The following OGFOD1 variants were observed in gnomAD, a reference collection of about 807,000 sequenced individuals.
OGFOD1 encodes the protein 2-oxoglutarate and iron dependent oxygenase domain containing 1.
A neutral mutation model predicts 67.7 loss-of-function variants in OGFOD1; 54 were observed. The ratio of observed to expected loss-of-function variants is 0.80; its 90% CI spans 0.64 to 1.00. OGFOD1 has a LOEUF of 1.00. OGFOD1 is among the 50% of genes least tolerant of loss of function. OGFOD1 has a pLI of 0.00. For synonymous variants in OGFOD1, 221 were observed against 227.0 expected (o/e 0.97, Z 0.24); for missense variants, 606 against 646.7 (o/e 0.94, Z 0.68).
chr16:56,453,122 T>A (rs1962397904), intron 1 of OGFOD1, 141 bp from the exon 2 acceptor site: 8 of 789,716 alleles, frequency 1.0e-5, no homozygotes, highest in East Asian at 8.2e-5. Context: ...GAGCTTATCA[T>A]TTTTTCCCCA....
chr16:56,458,656 A>G, intron 3 of OGFOD1, 62 bp downstream of exon 3: 1 of 1,315,806 alleles, frequency 7.6e-7, no homozygotes, highest in South Asian at 1.2e-5. Context: ...TAAGTGCTTT[A>G]AATGTTACAA....
At chr16:56,452,054 A>C in intron 1 of OGFOD1, 2 of 346,312 alleles carry the variant, frequency 5.8e-6, no homozygotes, top group South Asian at 5.2e-5. Flanking sequence ...CTGAGTTAGA[A>C]TCCTCTCCCC....
chr16:56,474,900 A>C lies in OGFOD1; in HGVS notation c.1358A>C (p.His453Pro). ...GGTCACTACACTTTAATTCATGACC[A>C]TAGCAAGGCTGAATTTGCCCTAGAC... is the stretch of plus-strand genomic sequence containing the variant. ...KTGHYTLIHD[H>P]SKAEFALDLI... Residue 453 changes from histidine (H) to proline (P), a missense_variant, in exon 11 of 13, where the codon CAT becomes CCT. Physicochemically the swap from His to Pro is moderately conservative, Grantham distance 77. Transcript: ENST00000566157. 6.2e-7 allele frequency: 1 copy of C among 1,613,834 alleles called. No individual in the cohort carries two copies. The highest frequency in any genetic ancestry group is 2.2e-5 in the East Asian group (1 of 44,866).
Position 56,470,091 on chromosome 16 carries a change from C to T in OGFOD1, c.980+9C>T, listed in dbSNP as rs373950807. 9 of 1,611,258 alleles carry T rather than the reference C, an allele frequency of 5.6e-6. No individual in the cohort carries two copies. Among genetic ancestry groups the T allele is most frequent in the African/African-American group, 4.0e-5 (3 of 74,770 alleles). ...GGTCCCCCTAACAAAAGGTAGAACC[C>T]GTCATCTGAGATATTTGCTTCTACA... On this transcript the variant is annotated intron_variant, in intron 9 of 12. Transcript: ENST00000566157.
Position 56,470,640 on chromosome 16 carries a change from TAA to T in OGFOD1, c.1139_1140del (p.Lys380ArgfsTer6). 6.2e-7 allele frequency: 1 copy of T among 1,613,984 alleles called. No individual in the cohort carries two copies. Among genetic ancestry groups the T allele is most frequent in the African/African-American group, 1.3e-5 (1 of 74,956 alleles). Reference sequence around the variant, plus strand: ...CTTCGGAAGAAGATGAGATGAATGATAAAAAAGAGGCAGAAACCACTGATATC... The same window carrying T: ...CTTCGGAAGAAGATGAGATGAATGATAAAAGAGGCAGAAACCACTGATATC... ...APSEEDEMND[K>X]KEAETTDITE... On this transcript the variant is annotated frameshift_variant, in exon 10 of 13. Transcript: ENST00000566157. LOFTEE classifies it high-confidence loss of function.
At chr16:56,458,396 T>C (rs1962597165) in intron 2 of OGFOD1, 152 bp from the exon 3 acceptor site, 1 of 693,768 alleles carries the variant, frequency 1.4e-6, no homozygotes, top group South Asian at 1.6e-5. Context: ...ACCCATCCAA[T>C]GGAGGGGCCC....
intron 7 of OGFOD1, 54 bp from the exon 8 acceptor site, chr16:56,467,851 C>G: frequency 2.3e-6 from 2 of 858,370 alleles, no homozygotes; most frequent in Non-Finnish European, 4.1e-6. Context: ...GATGTAAGAG[C>G]AAAAGCAATA....
chr16:56,458,136 GT>G (rs1962589535), intron 2 of OGFOD1: 2 of 202,404 alleles, frequency 9.9e-6, no homozygotes, highest in South Asian at 1.6e-4. Context: ...TCAAGTCTTT[GT>G]ATCACCTCCC....
chr16:56,454,042 T>C (rs1962428895), intron 2 of OGFOD1, among the ~76,000 whole-genome samples: 1 of 152,132 alleles, frequency 6.6e-6, no homozygotes, highest in South Asian at 2.1e-4. Context: ...TGGGAGACAA[T>C]TACCATTTAA....
intron 2 of OGFOD1, chr16:56,454,708 C>A: frequency 2.7e-6 from 1 of 372,842 alleles, no homozygotes; most frequent in Non-Finnish European, 5.2e-6. Context: ...TTGCATTTTC[C>A]CATTTTATTT....
intron 7 of OGFOD1, 91 bp downstream of exon 7, chr16:56,467,384 C>G (rs1962948551): frequency 7.3e-7 from 1 of 1,377,690 alleles, no homozygotes; most frequent in African/African-American, 1.5e-5. Flanking sequence ...TTTAATGAAA[C>G]TGGACCTTGA....
intron 1 of OGFOD1, 33 bp from the exon 2 acceptor site, chr16:56,453,230 A>T (rs943722632): frequency 6.3e-7 from 1 of 1,586,588 alleles, no homozygotes; most frequent in Non-Finnish European, 8.6e-7. Context: ...TACAAAAGGA[A>T]AAAAGCCATA....
At chr16:56,460,786 G>A (rs1962686412) in intron 3 of OGFOD1, among the ~76,000 whole-genome samples, 1 of 152,158 alleles carries the variant, frequency 6.6e-6, no homozygotes, top group African/African-American at 2.4e-5. Context: ...ATTTGGAGTA[G>A]GATGATCCAA....
intron 2 of OGFOD1, among the ~76,000 whole-genome samples, chr16:56,454,301 T>G (rs1390315291): frequency 1.3e-5 from 2 of 152,086 alleles, no homozygotes; most frequent in Non-Finnish European, 2.9e-5. Context: ...TGAGCCAAGA[T>G]CACATCATTG....
In OGFOD1 at chr16:56,476,933, C is replaced by G. The variant is rs9939035; in HGVS notation, c.*728C>G. ...TCACCTGAGGTCAGGAGTTAAAGAC[C>G]AGCCTGACAAACATGGAGAAACCCC... On this transcript the variant is annotated 3_prime_UTR_variant, in exon 13 of 13. Coordinates refer to ENST00000566157, the MANE Select transcript of OGFOD1 (RefSeq NM_018233.4). 0.19 allele frequency: 29,169 copies of G among 152,186 alleles called. 3,031 individuals carry two copies. Among genetic ancestry groups the G allele is most frequent in the Non-Finnish European group, 0.24 (16,468 of 68,066 alleles). The allele number at this position is 152,186 out of a possible 1,614,324, so 9.4% of individuals were successfully genotyped here.
At chr16:56,457,787 C>G (rs1962572728) in intron 2 of OGFOD1, among the ~76,000 whole-genome samples, 1 of 152,118 alleles carries the variant, frequency 6.6e-6, no homozygotes, top group Non-Finnish European at 1.5e-5. Context: ...TAAAATGATT[C>G]TCCTGCCTCA....
intron 5 of OGFOD1, 184 bp from the exon 6 acceptor site, chr16:56,466,692 T>C: frequency 1.6e-6 from 1 of 620,894 alleles, no homozygotes; most frequent in Middle Eastern, 4.1e-4. Flanking sequence ...ATGGATGGTG[T>C]AGTAAGAACA....
chr16:56,458,847 GGAAACA>G, intron 3 of OGFOD1: 1 of 460,364 alleles, frequency 2.2e-6, no homozygotes, highest in Non-Finnish European at 3.9e-6. Flanking sequence ...TAGTAATCAA[GGAAACA>G]GAAGTTAACA....
At chr16:56,456,013 T>C (rs1233018828) in intron 2 of OGFOD1, among the ~76,000 whole-genome samples, 3 of 152,224 alleles carry the variant, frequency 2.0e-5, no homozygotes, top group Non-Finnish European at 4.4e-5. Flanking sequence ...TCCTCTCCTG[T>C]CAGTCTCTGG....
Sources: allele counts gnomAD v4.1 joint callset (sites outside exome capture counted in the v4.1 genomes callset), GRCh38; gene constraint gnomAD v4.1.1; transcripts MANE v1.5; gene names NCBI Gene and HGNC (gene_info 2026-07-23, HGNC 2026-07-21).